Variants in ANKZF1 observed in about 807,000 individuals in gnomAD.
The protein encoded by ANKZF1 is ankyrin repeat and zinc finger peptidyl tRNA hydrolase 1.
In ANKZF1, 84 loss-of-function variants were observed where a neutral mutation model predicts 86.0. The observed-to-expected ratio is 0.98, with a 90% CI of 0.82 to 1.17. ANKZF1 has a LOEUF of 1.17. Ranked by LOEUF, ANKZF1 falls within the 50% of genes most tolerant of loss-of-function variation. The pLI is 0.00. For synonymous variants in ANKZF1, 331 were observed against 354.2 expected, an observed-to-expected ratio of 0.93 and a Z score of 0.74; for missense variants, 893 against 918.4, an observed-to-expected ratio of 0.97 and a Z score of 0.36.
In ANKZF1 at chr2:219,234,932, GAGGAGAAAAAGGAATAAGA is replaced by G. The variant is rs769249256; in HGVS notation, c.1321_1339del (p.Arg441AlafsTer64). 1 of 1,614,212 alleles carries G rather than the reference GAGGAGAAAAAGGAATAAGA, an allele frequency of 6.2e-7. No individual in the cohort carries two copies. ...AGTCTGAAGTATTGCCCAAGCGGAG[GAGGAGAAAAAGGAATAAGA>G]AGGAGAAAAGCCGAGACCAGGAGGC... On this transcript the variant is annotated frameshift_variant, in exon 10 of 14. Coordinates refer to ENST00000323348, the MANE Select transcript of ANKZF1 (RefSeq NM_018089.3). LOFTEE classifies it high-confidence loss of function.
In ANKZF1 at chr2:219,235,733, T is replaced by C. The variant is rs1272687156; in HGVS notation, c.1829T>C (p.Met610Thr). The C allele has an allele frequency of 6.2e-7, 1 of 1,613,988 alleles. No individual in the cohort carries two copies. The highest frequency in any genetic ancestry group is 8.5e-7 in the Non-Finnish European group (1 of 1,180,000). The change falls in exon 12 of 14, where the codon ATG becomes ACG. Residue 610 changes from methionine to threonine, a missense_variant. Transcript: ENST00000323348. Reference protein sequence around the residue: ...AQVPGPLTPEMEARQATRKRE... With the variant: ...AQVPGPLTPETEARQATRKRE... ...GTGCCAGGACCATTGACACCAGAAA[T>C]GGAGGCACGGCAGGCTACACGGAAA... is the stretch of plus-strand genomic sequence containing the variant.
At position 219,230,324 on chromosome 2, in the gene ANKZF1, G is replaced by A. The variant is rs1325434330; in HGVS notation, c.67G>A (p.Ala23Thr). The A allele has an allele frequency of 2.5e-6, 4 of 1,614,012 alleles. No homozygotes were observed. Among genetic ancestry groups the A allele is most frequent in the Non-Finnish European group, 3.4e-6 (4 of 1,180,014 alleles). ...CTCCCTGTTTGACCTCAGCGCGGAT[G>A]CTCCGGTCTTTCAGGGCCTGAGCCT... Reference protein sequence around the residue: ...SISLFDLSADAPVFQGLSLVS... With the variant: ...SISLFDLSADTPVFQGLSLVS... The change falls in exon 2 of 14, where the codon GCT becomes ACT. Residue 23 changes from alanine (A) to threonine (T), a missense_variant. Ala to Thr is a moderately conservative substitution (Grantham distance 58). Coordinates refer to ENST00000323348, the MANE Select transcript of ANKZF1 (RefSeq NM_018089.3).
In ANKZF1 at chr2:219,232,589, G is replaced by A. The variant is rs1366631775; in HGVS notation, c.464G>A (p.Ser155Asn). 3 of 1,614,170 alleles carry A rather than the reference G, an allele frequency of 1.9e-6. No homozygotes were observed. Among genetic ancestry groups the A allele is most frequent in the South Asian group, 1.1e-5 (1 of 91,082 alleles). The change falls in exon 5 of 14, where the codon AGC becomes AAC. Residue 155 changes from serine (S) to asparagine (N), a missense_variant. Ser to Asn is a conservative substitution (Grantham distance 46). Coordinates refer to ENST00000323348, the MANE Select transcript of ANKZF1 (RefSeq NM_018089.3). ...DRERATFEKL[S>N]RPPGFYPHRV... ...GAGAGGGCTACATTTGAGAAGTTGAGCCGACCCCCAGGCTTTTACCCTCAT... is the reference window on the plus strand; with the variant it reads ...GAGAGGGCTACATTTGAGAAGTTGAACCGACCCCCAGGCTTTTACCCTCAT...
Position 219,230,090 on chromosome 2 carries a change from G to T in ANKZF1, c.-30-138G>T, listed in dbSNP as rs572340501. On this transcript the variant is annotated intron_variant, in intron 1 of 13. Transcript: ENST00000323348. Reference sequence around the variant, plus strand: ...TTTGAGAAAGTGGACGGGGGCCAAGGTATTCATCTCACAGTTGGTAGCAGG... The same window carrying T: ...TTTGAGAAAGTGGACGGGGGCCAAGTTATTCATCTCACAGTTGGTAGCAGG... 620 of 650,472 alleles carry T rather than the reference G, an allele frequency of 9.5e-4. 1 individual carries two copies. Among genetic ancestry groups the T allele is most frequent in the Non-Finnish European group, 1.1e-3 (448 of 397,916 alleles). 40.3% of individuals were successfully genotyped at this position (650,472 alleles called of 1,614,324 possible). A position where few individuals can be genotyped will look rare whatever the true frequency, so the allele number is the denominator to read the frequency against.
rs142611156 is a variant in ANKZF1, at chr2:219,233,846, G to C, written c.951G>C (p.Gly317=). ...GCAAGGGAGCACCCCTGCAAAGGGG[G>C]GATCCCCGACTTTGGGATATCCCCC... ...FGGKGAPLQR[G]DPRLWDIPLA... Residue 317 remains glycine, a synonymous_variant, in exon 8 of 14, where the codon GGG becomes GGC. Transcript: ENST00000323348. 1.2e-6 allele frequency: 2 copies of C among 1,613,334 alleles called. No individual in the cohort carries two copies. Among genetic ancestry groups the C allele is most frequent in the East Asian group, 4.5e-5 (2 of 44,886 alleles).
rs745372490 is a variant in ANKZF1, at chr2:219,235,116, C to T, written c.1495C>T (p.Leu499Phe). The T allele has an allele frequency of 3.1e-6, 5 of 1,614,078 alleles. No individual in the cohort carries two copies. The African/African-American group carries it at 5.3e-5, about 17-fold the overall frequency. The change falls in exon 10 of 14, where the codon CTT becomes TTT. Residue 499 changes from leucine (L) to phenylalanine (F), a missense_variant. By Grantham distance (22) the Leu-to-Phe change is conservative. Transcript: ENST00000323348. ...PGQPELWNAL[L>F]AACRAGDVGV... ...TCAGCCAGAGCTCTGGAATGCACTG[C>T]TTGCTGCTTGCCGAGCTGGAGATGT...
intron 2 of ANKZF1, 117 bp from the exon 3 acceptor site, chr2:219,231,811 G>A (rs1431198940): frequency 1.7e-5 from 14 of 800,978 alleles, no homozygotes; most frequent in East Asian, 7.6e-5. Flanking sequence ...CTTGAAGGCA[G>A]TATCATGCCA....
intron 9 of ANKZF1, 174 bp from the exon 10 acceptor site, chr2:219,234,652 C>G: frequency 1.1e-6 from 1 of 875,708 alleles, no homozygotes; most frequent in Non-Finnish European, 1.7e-6. Flanking sequence ...TTGTTCTTGT[C>G]TGGGCTGAGA....
rs1315574242 is a variant in ANKZF1, at chr2:219,232,108, A to G, written c.261+68A>G. On this transcript the variant is annotated intron_variant, in intron 3 of 13. Transcript: ENST00000323348. The stretch of plus-strand genomic sequence containing the variant: ...TAATGGTGGGTGGGGAGAGGTAGAC[A>G]TTTGATTTGTCTTAATAAAGGTCCA... 28 of 1,466,558 alleles carry G rather than the reference A, an allele frequency of 1.9e-5. No homozygotes were observed. In the East Asian group the frequency reaches 5.4e-4, roughly 28 times the overall value. The allele number at this position is 1,466,558 out of a possible 1,614,324, so 90.8% of individuals were successfully genotyped here.
At chr2:219,234,331 C>T (rs1443714111) in intron 9 of ANKZF1, 43 bp downstream of exon 9, 1 of 1,613,308 alleles carries the variant, frequency 6.2e-7, no homozygotes, top group South Asian at 1.1e-5. Context: ...AGTTTCTGTC[C>T]TAAAAATGCA....
chr2:219,232,305 C>A lies in ANKZF1; in HGVS notation c.307C>A (p.Arg103Ser), dbSNP rs576741102. The change falls in exon 4 of 14, where the codon CGT becomes AGT. Residue 103 changes from arginine (R) to serine (S), a missense_variant. Physicochemically the swap from Arg to Ser is moderately radical, Grantham distance 110. Coordinates refer to ENST00000323348, the MANE Select transcript of ANKZF1 (RefSeq NM_018089.3). ...CTGGCATCGGTTTAACCTAAAGCAA[C>A]GTCTCAAGGACAAGCCTCTCCTGTC... ...LDWHRFNLKQ[R>S]LKDKPLLSAL... 6.2e-7 allele frequency: 1 copy of A among 1,614,214 alleles called. No homozygotes were observed. Among genetic ancestry groups the A allele is most frequent in the Admixed American group, 1.7e-5 (1 of 60,026 alleles).
chr2:219,232,900 T>A, intron 5 of ANKZF1, 179 bp from the exon 6 acceptor site: 1 of 819,606 alleles, frequency 1.2e-6, no homozygotes, highest in Non-Finnish European at 1.9e-6. Flanking sequence ...AGGTTTGAAT[T>A]GTGATTCTAC....
chr2:219,230,545 T>G (rs1951003049), intron 2 of ANKZF1, 140 bp downstream of exon 2: 1 of 1,173,576 alleles, frequency 8.5e-7, no homozygotes, highest in South Asian at 1.7e-5. Context: ...TCACTTAATC[T>G]CTGGGTAATG....
intron 5 of ANKZF1, 77 bp from the exon 6 acceptor site, chr2:219,233,002 T>G: frequency 7.6e-7 from 1 of 1,311,760 alleles, no homozygotes; most frequent in Non-Finnish European, 1.1e-6. Context: ...TGAGATAATG[T>G]TTGTGAAAAT....
In ANKZF1 at chr2:219,235,257, G is replaced by A; in HGVS notation, c.1636G>A (p.Gly546Arg). ...FTLLHAAAAA[G>R]RGSVVRLLLE... ...TCTCCTGCATGCAGCAGCTGCAGCT[G>A]GAAGAGGCTCAGTGGTTCGTCTGCT... Residue 546 changes from glycine (G) to arginine (R), a missense_variant, in exon 10 of 14, where the codon GGA becomes AGA. Coordinates refer to ENST00000323348, the MANE Select transcript of ANKZF1 (RefSeq NM_018089.3). 1 of 1,612,538 alleles carries A rather than the reference G, an allele frequency of 6.2e-7. No homozygotes were observed. The highest frequency in any genetic ancestry group is 1.7e-4 in the Middle Eastern group (1 of 6,058).
At chr2:219,233,531 T>C in intron 7 of ANKZF1, 98 bp downstream of exon 7, 1 of 1,452,004 alleles carries the variant, frequency 6.9e-7, no homozygotes, top group Non-Finnish European at 9.2e-7. Flanking sequence ...ACTCATATCC[T>C]TCCAATTTTC....
intron 4 of ANKZF1, 29 bp from the exon 5 acceptor site, chr2:219,232,461 C>G: frequency 6.2e-7 from 1 of 1,612,294 alleles, no homozygotes; most frequent in Non-Finnish European, 8.5e-7. Flanking sequence ...GGGTACCAAA[C>G]TTGTGTATCT....
Position 219,233,828 on chromosome 2 carries a change from A to G in ANKZF1, c.933A>G (p.Gly311=), listed in dbSNP as rs761797740. The G allele has an allele frequency of 1.9e-6, 3 of 1,613,922 alleles. No individual in the cohort carries two copies. The Admixed American group carries it at 5.0e-5, about 27-fold the overall frequency. The part of the protein sequence containing the change: ...SGRSLFFGGK[G]APLQRGDPRL... ...GGTCTTTGTTCTTTGGAGGCAAGGG[A>G]GCACCCCTGCAAAGGGGGGATCCCC... is the stretch of plus-strand genomic sequence containing the variant. The change falls in exon 8 of 14, where the codon GGA becomes GGG. Residue 311 remains glycine (G), a synonymous_variant. Coordinates refer to ENST00000323348, the MANE Select transcript of ANKZF1 (RefSeq NM_018089.3).
At position 219,230,411 on chromosome 2, in the gene ANKZF1, C is replaced by G; in HGVS notation, c.148+6C>G. 2.5e-6 allele frequency: 4 copies of G among 1,598,946 alleles called. 1 individual carries two copies. The South Asian group carries it at 3.3e-5, about 13-fold the overall frequency. ...TCCGCGTACTTCCTGTTCAGGTATC[C>G]TGGAAGGTTTCGTGTGAAACGTGAC... On this transcript the variant is annotated splice_donor_region_variant and intron_variant, in intron 2 of 13. Transcript: ENST00000323348.
Sources: allele counts gnomAD v4.1 joint callset, GRCh38; gene constraint gnomAD v4.1.1; transcripts MANE v1.5; gene names NCBI Gene and HGNC (gene_info 2026-07-23, HGNC 2026-07-21).